Variants in ADK observed in about 807,000 individuals in gnomAD.
The protein encoded by ADK is N6,N6-dimethyladenosine kinase.
ADK carries 24 observed loss-of-function variants against 44.7 expected under a neutral mutation model. The observed-to-expected ratio is 0.54, with a 90% CI of 0.39 to 0.76. The LOEUF is 0.76. Ranked by LOEUF, ADK falls within the 30% of genes least tolerant of loss-of-function variation. ADK has a pLI of 0.00. For missense variants in ADK, 321 were observed against 425.1 expected, an observed-to-expected ratio of 0.76 and a Z score of 2.15; for synonymous variants, 128 against 142.6, an observed-to-expected ratio of 0.90 and a Z score of 0.73.
At position 74,230,551 on chromosome 10, in the gene ADK, A is replaced by G. The variant is rs374587757; in HGVS notation, c.194+5960A>G. ...CAGTTGCATGATCATGGCTCACTACAGTCTTGTTTTTAGAGATGAGGTCTC... is the reference window on the plus strand; with the variant it reads ...CAGTTGCATGATCATGGCTCACTACGGTCTTGTTTTTAGAGATGAGGTCTC... On this transcript the variant is annotated intron_variant, in intron 3 of 10. Transcript: ENST00000539909. Among the ~76,000 whole-genome samples, 36 of 151,420 alleles carry G rather than the reference A, an allele frequency of 2.4e-4. 1 individual carries two copies. The highest frequency in any genetic ancestry group is 6.8e-3 in the Middle Eastern group (2 of 294).
At chr10:74,478,408 G>A (rs1462590961) in intron 6 of ADK, among the ~76,000 whole-genome samples, 6 of 152,080 alleles carry the variant, frequency 3.9e-5, no homozygotes, top group African/African-American at 1.4e-4. Context: ...AATTTTCATA[G>A]AGATGAGTGT....
intron 2 of ADK, among the ~76,000 whole-genome samples, chr10:74,210,683 A>G (rs918205424): frequency 5.3e-5 from 8 of 152,214 alleles, no homozygotes; most frequent in Non-Finnish European, 8.8e-5. Flanking sequence ...CATAAATTTT[A>G]GTGCTGATTA....
At chr10:74,166,063 C>G (rs903222927) in intron 1 of ADK, among the ~76,000 whole-genome samples, 1 of 152,154 alleles carries the variant, frequency 6.6e-6, no homozygotes, top group Admixed American at 6.5e-5. Flanking sequence ...ACTCAGCCTC[C>G]CAAGTAGCTA....
At chr10:74,347,819 A>G (rs1841829801) in intron 4 of ADK, among the ~76,000 whole-genome samples, 2 of 152,154 alleles carry the variant, frequency 1.3e-5, no homozygotes, top group Non-Finnish European at 2.9e-5. Flanking sequence ...ACCAGGTGGA[A>G]TTCACCACAG....
At chr10:74,327,320 T>C (rs1266506618) in intron 4 of ADK, among the ~76,000 whole-genome samples, 1 of 152,226 alleles carries the variant, frequency 6.6e-6, no homozygotes, top group Admixed American at 6.5e-5. Flanking sequence ...ATTTTCCTCT[T>C]ATTATTGACT....
Position 74,524,821 on chromosome 10 carries a change from C to A in ADK, c.556-435C>A, listed in dbSNP as rs577305695. Among the ~76,000 whole-genome samples the A allele has an allele frequency of 1.4e-4, 22 of 152,218 alleles. No homozygotes were observed. The East Asian group carries it at 4.1e-3, about 28-fold the overall frequency. Reference sequence around the variant, plus strand: ...GCTGAGGTAGGAGGATTGCTTTATCCCAGGAGTTCAGGACCAGCCTGGGCA... The same window carrying A: ...GCTGAGGTAGGAGGATTGCTTTATCACAGGAGTTCAGGACCAGCCTGGGCA... On this transcript the variant is annotated intron_variant, in intron 6 of 10. Transcript: ENST00000539909.
At chr10:74,493,580 C>T (rs574044293) in intron 6 of ADK, among the ~76,000 whole-genome samples, 34 of 149,866 alleles carry the variant, frequency 2.3e-4, no homozygotes, top group Middle Eastern at 3.7e-3. Flanking sequence ...GATGAGGTCT[C>T]CATATGTTGC....
chr10:74,548,777 A>G (rs1169439556), intron 7 of ADK, among the ~76,000 whole-genome samples: 1 of 152,244 alleles, frequency 6.6e-6, no homozygotes, highest in Non-Finnish European at 1.5e-5. Context: ...AACAATCTGT[A>G]CACTGTAGTC....
At chr10:74,171,808 C>CTGTGTGTGTGTGTGTG (rs548797359) in intron 1 of ADK, among the ~76,000 whole-genome samples, 1 of 142,534 alleles carries the variant, frequency 7.0e-6, no homozygotes, top group African/African-American at 2.8e-5. Flanking sequence ...CTCTCTGTCT[C>CTGTGTGTGTGTGTGTG]TCTGTGTGTG....
intron 10 of ADK, among the ~76,000 whole-genome samples, chr10:74,688,355 A>C (rs1855865902): frequency 6.6e-6 from 1 of 152,222 alleles, no homozygotes. Context: ...TCAGAAGAAC[A>C]GGAACTGTAA....
intron 6 of ADK, among the ~76,000 whole-genome samples, chr10:74,430,486 G>A (rs1844945501): frequency 6.6e-6 from 1 of 152,108 alleles, no homozygotes; most frequent in Non-Finnish European, 1.5e-5. Context: ...TGGGCGTAAT[G>A]GCTCACACCT....
chr10:74,440,952 A>G (rs1845385473), intron 6 of ADK, among the ~76,000 whole-genome samples: 1 of 152,184 alleles, frequency 6.6e-6, no homozygotes, highest in African/African-American at 2.4e-5. Context: ...TTAGTGAACT[A>G]CCCATCTTCT....
At chr10:74,364,750 C>A (rs1842448513) in intron 4 of ADK, among the ~76,000 whole-genome samples, 1 of 136,208 alleles carries the variant, frequency 7.3e-6, no homozygotes, top group Admixed American at 7.6e-5. Context: ...GTTCTAGCAA[C>A]CTCTTTCAAA....
intron 10 of ADK, among the ~76,000 whole-genome samples, chr10:74,684,078 G>A (rs1217684140): frequency 6.6e-6 from 1 of 152,196 alleles, no homozygotes; most frequent in Non-Finnish European, 1.5e-5. Flanking sequence ...GAATTTCACT[G>A]CAGTTTTTCA....
chr10:74,160,991 A>G (rs1353728288), intron 1 of ADK, among the ~76,000 whole-genome samples: 2 of 152,164 alleles, frequency 1.3e-5, no homozygotes, highest in East Asian at 3.8e-4. Flanking sequence ...TCTCTTCTCT[A>G]TAAAACTTTT....
At chr10:74,538,813 A>G (rs1849538106) in intron 7 of ADK, among the ~76,000 whole-genome samples, 1 of 152,168 alleles carries the variant, frequency 6.6e-6, no homozygotes, top group South Asian at 2.1e-4. Flanking sequence ...TAATGTTTCT[A>G]ATAGTTAATT....
intron 2 of ADK, among the ~76,000 whole-genome samples, chr10:74,201,906 T>C (rs2132156386): frequency 6.6e-6 from 1 of 152,234 alleles, no homozygotes; most frequent in African/African-American, 2.4e-5. Flanking sequence ...CCAAGAGTAA[T>C]TACTTTTTAA....
chr10:74,477,841 T>A (rs893423605), intron 6 of ADK, among the ~76,000 whole-genome samples: 3 of 152,208 alleles, frequency 2.0e-5, no homozygotes, highest in African/African-American at 7.2e-5. Flanking sequence ...ATAAACAGAA[T>A]CAATGTTTAT....
At chr10:74,184,752 G>A (rs1842686083) in intron 1 of ADK, among the ~76,000 whole-genome samples, 1 of 152,030 alleles carries the variant, frequency 6.6e-6, no homozygotes, top group Non-Finnish European at 1.5e-5. Flanking sequence ...TGTCCCATTT[G>A]GATAATAAAT....
Sources: gnomAD v4.1 joint callset for allele counts (sites outside exome capture counted in the v4.1 genomes callset) on GRCh38, gnomAD v4.1.1 for gene constraint, MANE v1.5 for transcripts, NCBI Gene and HGNC (gene_info 2026-07-23, HGNC 2026-07-21) for gene names.